Variants in SLC25A11 observed in about 807,000 individuals in gnomAD.
The protein encoded by SLC25A11 is solute carrier family 25 member 11, also known as mitochondrial 2-oxoglutarate/malate carrier protein.
In SLC25A11, 11 loss-of-function variants were observed where a neutral mutation model predicts 32.7. The observed-to-expected ratio is 0.34, with a 90% CI of 0.21 to 0.56. SLC25A11 has a LOEUF of 0.56. Ranked by LOEUF, SLC25A11 falls within the 20% of genes least tolerant of loss-of-function variation. The probability of loss-of-function intolerance (pLI) is 0.90; values close to 1 mark genes in which losing one functional copy is unlikely to be tolerated. For missense variants in SLC25A11, 295 were observed against 426.3 expected (o/e 0.69, Z 2.71); for synonymous variants, 163 against 168.3 (o/e 0.97, Z 0.24).
In SLC25A11 at chr17:4,938,061, G is replaced by T. The variant is rs533954470; in HGVS notation, c.751C>A (p.Arg251=). 2.5e-6 allele frequency: 4 copies of T among 1,613,956 alleles called. No homozygotes were observed. Among genetic ancestry groups the T allele is most frequent in the South Asian group, 2.2e-5 (2 of 91,082 alleles). ...TATTCCGGCTTCCCATCAATCATCC[G>T]CATGTTCTGGATTCTGCAGGAGAGG... ...DIAKTRIQNM[R]MIDGKPEYKN... The change falls in exon 7 of 8, where the codon CGG becomes AGG. Residue 251 remains arginine (R), a synonymous_variant. Transcript: ENST00000225665. The surrounding 1 kb of genome is among the most constrained non-coding windows in gnomAD (Gnocchi z 7.6).
rs754761212 is a variant in SLC25A11 at position 4,938,155 on chromosome 17, G to A, written c.736C>T (p.Arg246Ter). The change falls in exon 6 of 8, where the codon CGA becomes TGA. Residue 246 changes from arginine to a stop codon, truncating the protein, a stop_gained and splice_region_variant. Coordinates refer to ENST00000225665, the MANE Select transcript of SLC25A11 (RefSeq NM_003562.5). LOFTEE classifies it high-confidence loss of function. This position sits in a 1 kb window ranked among gnomAD's most constrained non-coding sequence, Gnocchi z 7.6. ...TCCAGGCCCAGGCTGCACACTCACC[G>A]GGTCTTGGCAATGTCCACAGGCATG... is the stretch of plus-strand genomic sequence containing the variant. ...ASMPVDIAKT[R>*]IQNMRMIDGK... The A allele has an allele frequency of 6.2e-7, 1 of 1,614,064 alleles. No individual in the cohort carries two copies. The highest frequency in any genetic ancestry group is 1.3e-5 in the African/African-American group (1 of 75,048).
rs956424153 is a variant in SLC25A11, at chr17:4,937,660, A to G, written c.*81T>C. 2.3e-5 allele frequency: 34 copies of G among 1,461,978 alleles called. No homozygotes were observed. The Admixed American group carries it at 3.4e-4, about 15-fold the overall frequency. The allele number at this position is 1,461,978 out of a possible 1,614,324, so 90.6% of individuals were successfully genotyped here. ...CACACTGTGGAAGGGAAATAAATAG[A>G]GGGGTCCAGGGCAGCAGAGCCCAGG... On this transcript the variant is annotated 3_prime_UTR_variant, in exon 8 of 8. Transcript: ENST00000225665.
chr17:4,937,831 G>A lies in SLC25A11; in HGVS notation c.855C>T (p.Tyr285=). The A allele has an allele frequency of 2.5e-6, 4 of 1,614,172 alleles. No individual in the cohort carries two copies. The highest frequency in any genetic ancestry group is 3.4e-6 in the Non-Finnish European group (4 of 1,180,018). Residue 285 remains tyrosine, a synonymous_variant, in exon 8 of 8, where the codon TAC becomes TAT. Transcript: ENST00000225665. ...FFSLWKGFTP[Y]YARLGPHTVL... is the part of the protein sequence containing the mutation. ...CGGTGTGGGGGCCCAGGCGGGCATA[G>A]TACGGCGTGAAGCCCTTCCACAGGC...
chr17:4,938,986 G>C lies in SLC25A11; in HGVS notation c.249-11C>G. 1 of 1,614,196 alleles carries C rather than the reference G, an allele frequency of 6.2e-7. No homozygotes were observed. Among genetic ancestry groups the C allele is most frequent in the Non-Finnish European group, 8.5e-7 (1 of 1,180,036 alleles). ...AGGCCAGCCGACAGCCTGAGGAGCA[G>C]AGGGGTCAGCATATCAGGCCAAGGT... On this transcript the variant is annotated splice_polypyrimidine_tract_variant and intron_variant, in intron 2 of 7. Coordinates refer to ENST00000225665, the MANE Select transcript of SLC25A11 (RefSeq NM_003562.5). The surrounding 1 kb of genome is among the most constrained non-coding windows in gnomAD (Gnocchi z 7.6).
intron 7 of SLC25A11, 33 bp downstream of exon 7, chr17:4,937,990 C>T: frequency 1.2e-6 from 2 of 1,613,440 alleles, no homozygotes; most frequent in South Asian, 1.1e-5. Context: ...GGATCCGACA[C>T]CCCCTCCCAG....
rs1369066984 is a variant in SLC25A11 at position 4,938,371 on chromosome 17, T to C, written c.605A>G (p.Tyr202Cys). 2 of 1,612,936 alleles carry C rather than the reference T, an allele frequency of 1.2e-6. No individual in the cohort carries two copies. Among genetic ancestry groups the C allele is most frequent in the Non-Finnish European group, 1.7e-6 (2 of 1,179,772 alleles). The change falls in exon 5 of 8, where the codon TAC becomes TGC. Residue 202 changes from tyrosine to cysteine, a missense_variant. Around this residue, in one of 3 missense-constraint regions of SLC25A11, gnomAD observed 142 missense variants for 197.8 expected, o/e 0.72. Coordinates refer to ENST00000225665, the MANE Select transcript of SLC25A11 (RefSeq NM_003562.5). This position sits in a 1 kb window ranked among gnomAD's most constrained non-coding sequence, Gnocchi z 7.6. ...VVVNAAQLAS[Y>C]SQSKQFLLDS... ...CAGTAAGAACTGCTTGGATTGGGAG[T>C]AGGAGGCGAGCTGGGCAGCATTGAC...
In SLC25A11 at chr17:4,939,310, C is replaced by A. The variant is rs1481517724; in HGVS notation, c.96-98G>T. 3.0e-6 allele frequency: 4 copies of A among 1,312,828 alleles called. No homozygotes were observed. Among genetic ancestry groups the A allele is most frequent in the African/African-American group, 2.9e-5 (2 of 67,980 alleles). The allele number at this position is 1,312,828 out of a possible 1,614,324, so 81.3% of individuals were successfully genotyped here. On this transcript the variant is annotated intron_variant, in intron 1 of 7. Transcript: ENST00000225665. The surrounding 1 kb of genome is among the most constrained non-coding windows in gnomAD (Gnocchi z 4.1). Reference sequence around the variant, plus strand: ...AAGAGGTTACAAAGGTCAGGGCCTGCCATGCGATTCAAGAATCAGGATGCT... The same window carrying A: ...AAGAGGTTACAAAGGTCAGGGCCTGACATGCGATTCAAGAATCAGGATGCT...
At position 4,937,536 on chromosome 17, in the gene SLC25A11, A is replaced by G; in HGVS notation, c.*205T>C. 1.9e-6 allele frequency: 1 copy of G among 515,740 alleles called. No individual in the cohort carries two copies. The highest frequency in any genetic ancestry group is 3.2e-6 in the Non-Finnish European group (1 of 311,188). The allele number at this position is 515,740 out of a possible 1,614,324, so 31.9% of individuals were successfully genotyped here. A position where few individuals can be genotyped will look rare whatever the true frequency, so the allele number is the denominator to read the frequency against. On this transcript the variant is annotated 3_prime_UTR_variant, in exon 8 of 8. Transcript: ENST00000225665. The stretch of plus-strand genomic sequence containing the variant: ...CTCAGAAGTTTTCCAGCTCCCTGCA[A>G]GAATAGCCAAGGACAGAGAAATCAC...
Position 4,938,747 on chromosome 17 carries a change from T to A in SLC25A11, c.455+22A>T. On this transcript the variant is annotated intron_variant, in intron 3 of 7. Transcript: ENST00000225665. This position sits in a 1 kb window ranked among gnomAD's most constrained non-coding sequence, Gnocchi z 7.6. ...AGATTCGAGGGAATGGGGCTGGGGT[T>A]AGGTTCAGACTTGGAACTCACCGGC... The A allele has an allele frequency of 6.2e-7, 1 of 1,602,524 alleles. No individual in the cohort carries two copies. The highest frequency in any genetic ancestry group is 8.5e-7 in the Non-Finnish European group (1 of 1,171,902).
chr17:4,939,297 A>T lies in SLC25A11; in HGVS notation c.96-85T>A, dbSNP rs1970555849. ...GGAGCCTGGCAGCAAGAGGTTACAAAGGTCAGGGCCTGCCATGCGATTCAA... is the reference window on the plus strand; with the variant it reads ...GGAGCCTGGCAGCAAGAGGTTACAATGGTCAGGGCCTGCCATGCGATTCAA... On this transcript the variant is annotated intron_variant, in intron 1 of 7. Coordinates refer to ENST00000225665, the MANE Select transcript of SLC25A11 (RefSeq NM_003562.5). This position sits in a 1 kb window ranked among gnomAD's most constrained non-coding sequence, Gnocchi z 4.1. 7.0e-7 allele frequency: 1 copy of T among 1,431,470 alleles called. No homozygotes were observed. Among genetic ancestry groups the T allele is most frequent in the South Asian group, 1.3e-5 (1 of 76,392 alleles). The allele number at this position is 1,431,470 out of a possible 1,614,324, so 88.7% of individuals were successfully genotyped here.
rs1455835197 is a variant in SLC25A11 at position 4,939,490 on chromosome 17, G to A, written c.96-278C>T. ...CTGCACGCAGTCCGACACAGGGAGG[G>A]GAGGAAGGGGCATCCAAGATTTAGG... On this transcript the variant is annotated intron_variant, in intron 1 of 7. Transcript: ENST00000225665. This position sits in a 1 kb window ranked among gnomAD's most constrained non-coding sequence, Gnocchi z 4.1. 4 of 576,354 alleles carry A rather than the reference G, an allele frequency of 6.9e-6. No homozygotes were observed. The highest frequency in any genetic ancestry group is 5.6e-5 in the African/African-American group (3 of 53,400). 35.7% of individuals were successfully genotyped at this position (576,354 alleles called of 1,614,324 possible). A position where few individuals can be genotyped will look rare whatever the true frequency, so the allele number is the denominator to read the frequency against.
Position 4,939,888 on chromosome 17 carries a change from C to G in SLC25A11, c.23G>C (p.Gly8Ala), listed in dbSNP as rs1464187553. The G allele has an allele frequency of 1.2e-6, 2 of 1,610,938 alleles. No individual in the cohort carries two copies. The highest frequency in any genetic ancestry group is 2.7e-5 in the African/African-American group (2 of 74,684). Residue 8 changes from glycine (G) to alanine (A), a missense_variant, in exon 1 of 8, where the codon GGG (glycine) becomes GCG (alanine). Gly to Ala is a moderately conservative substitution (Grantham distance 60). Transcript: ENST00000225665. The surrounding 1 kb of genome is among the most constrained non-coding windows in gnomAD (Gnocchi z 4.1). MAATASA[G>A]AGGIDGKPRT... ...GGGCTTCCCGTCTATCCCGCCGGCC[C>G]CGGCACTCGCCGTCGCCGCCATCGC... is the stretch of plus-strand genomic sequence containing the variant.
chr17:4,937,673 A>C lies in SLC25A11; in HGVS notation c.*68T>G, dbSNP rs1411157787. 86 of 1,501,800 alleles carry C rather than the reference A, an allele frequency of 5.7e-5. No individual in the cohort carries two copies. The South Asian group carries it at 6.5e-4, about 11-fold the overall frequency. The allele number at this position is 1,501,800 out of a possible 1,614,324, so 93.0% of individuals were successfully genotyped here. A position where few individuals can be genotyped will look rare whatever the true frequency, so the allele number is the denominator to read the frequency against. On this transcript the variant is annotated 3_prime_UTR_variant, in exon 8 of 8. Transcript: ENST00000225665. ...GGAAATAAATAGAGGGGTCCAGGGC[A>C]GCAGAGCCCAGGCCCCCAGGGCGCA...
chr17:4,937,477 C>A lies in SLC25A11; in HGVS notation c.*264G>T. The A allele has an allele frequency of 2.8e-6, 1 of 363,426 alleles. No homozygotes were observed. Among genetic ancestry groups the A allele is most frequent in the Non-Finnish European group, 4.9e-6 (1 of 202,088 alleles). The allele number at this position is 363,426 out of a possible 1,614,324, so 22.5% of individuals were successfully genotyped here. ...GGGGATCTTCTGCTGTCCTGTGTGCCCTGAAACTAAAACCCAGGGGGAGGC... is the reference window on the plus strand; with the variant it reads ...GGGGATCTTCTGCTGTCCTGTGTGCACTGAAACTAAAACCCAGGGGGAGGC... On this transcript the variant is annotated 3_prime_UTR_variant, in exon 8 of 8. Transcript: ENST00000225665.
rs1206822183 is a variant in SLC25A11, at chr17:4,937,600, G to A, written c.*141C>T. ...GCAGGGCAAGCTGGAGCAGGGGGTA[G>A]AACAGACCAAGTCCTTTACCGCAGA... On this transcript the variant is annotated 3_prime_UTR_variant, in exon 8 of 8. Coordinates refer to ENST00000225665, the MANE Select transcript of SLC25A11 (RefSeq NM_003562.5). The A allele has an allele frequency of 6.0e-6, 6 of 1,001,572 alleles. No homozygotes were observed. The highest frequency in any genetic ancestry group is 8.6e-6 in the Non-Finnish European group (6 of 694,798). The allele number at this position is 1,001,572 out of a possible 1,614,324, so 62.0% of individuals were successfully genotyped here. A position where few individuals can be genotyped will look rare whatever the true frequency, so the allele number is the denominator to read the frequency against.
rs765286282 is a variant in SLC25A11, at chr17:4,937,986, G to A, written c.789+37C>T. 336 of 1,613,538 alleles carry A rather than the reference G, an allele frequency of 2.1e-4. 2 individuals carry two copies. The highest frequency in any genetic ancestry group is 1.6e-3 in the Middle Eastern group (10 of 6,082). On this transcript the variant is annotated intron_variant, in intron 7 of 7. Coordinates refer to ENST00000225665, the MANE Select transcript of SLC25A11 (RefSeq NM_003562.5). ...CCTTCACACCTTTCCCAGGGGATCC[G>A]ACACCCCCTCCCAGGCCCCCAGAAT...
Position 4,938,615 on chromosome 17 carries a change from C to G in SLC25A11, c.456-13G>C. The G allele has an allele frequency of 6.2e-7, 1 of 1,613,184 alleles. No homozygotes were observed. Among genetic ancestry groups the G allele is most frequent in the Non-Finnish European group, 8.5e-7 (1 of 1,179,314 alleles). On this transcript the variant is annotated splice_polypyrimidine_tract_variant and intron_variant, in intron 3 of 7. Coordinates refer to ENST00000225665, the MANE Select transcript of SLC25A11 (RefSeq NM_003562.5). This position sits in a 1 kb window ranked among gnomAD's most constrained non-coding sequence, Gnocchi z 7.6. ...GTCAGCTGGAAGCCTGGTGGGAAGG[C>G]AGAAAGAGGTCAAGATCAGGATTGC...
At position 4,938,892 on chromosome 17, in the gene SLC25A11, CCA is replaced by C; in HGVS notation, c.330_331del (p.Ala112Ter). 1 of 1,614,148 alleles carries C rather than the reference CCA, an allele frequency of 6.2e-7. No individual in the cohort carries two copies. Among genetic ancestry groups the C allele is most frequent in the Non-Finnish European group, 8.5e-7 (1 of 1,180,030 alleles). ...AAAGCCAGGGGGAGTACCATCAGCC[CCA>C]GTCAGGCGCTCAAACAGCACGGTAT... On this transcript the variant is annotated frameshift_variant, in exon 3 of 8. Transcript: ENST00000225665. LOFTEE classifies it high-confidence loss of function. This position sits in a 1 kb window ranked among gnomAD's most constrained non-coding sequence, Gnocchi z 7.6.
rs1426448711 is a variant in SLC25A11 at position 4,939,941 on chromosome 17, C to T, written c.-31G>A. On this transcript the variant is annotated 5_prime_UTR_variant, in exon 1 of 8. Transcript: ENST00000225665. The surrounding 1 kb of genome is among the most constrained non-coding windows in gnomAD (Gnocchi z 4.1). ...CTCAATGGCCCTCGGCTCCGGGTCC[C>T]GTGCGCGCGCGGCCCCGCTCGCGCC... 2.6e-6 allele frequency: 4 copies of T among 1,562,522 alleles called. No homozygotes were observed. The highest frequency in any genetic ancestry group is 3.8e-5 in the Admixed American group (2 of 53,132).
Sources: allele counts gnomAD v4.1 joint callset, GRCh38; gene constraint gnomAD v4.1.1; regional missense constraint gnomAD v4.1.1; non-coding constraint Gnocchi (gnomAD v3.1); transcripts MANE v1.5; gene names NCBI Gene and HGNC (gene_info 2026-07-23, HGNC 2026-07-21).